The following ERCC6L variants were observed in gnomAD, a reference collection of about 807,000 sequenced individuals.
The protein encoded by ERCC6L is ERCC excision repair 6 like, spindle assembly checkpoint helicase, also known as DNA excision repair protein ERCC-6-like.
A neutral mutation model predicts 20.1 loss-of-function variants in ERCC6L; 7 were observed. That is an observed-to-expected ratio of 0.35 (90% CI 0.20 to 0.65). The LOEUF is 0.65. Among genes scored for constraint, ERCC6L ranks in the 30% least tolerant of loss-of-function variants. ERCC6L has a pLI of 0.69. For synonymous variants in ERCC6L, 278 were observed against 331.3 expected, an observed-to-expected ratio of 0.84 and a Z score of 1.75; for missense variants, 592 against 892.4, an observed-to-expected ratio of 0.66 and a Z score of 4.29.
At chrX:72,229,431 A>G (rs751193479) in intron 1 of ERCC6L, among the ~76,000 whole-genome samples, 2 of 111,690 alleles carry the variant, frequency 1.8e-5, no homozygotes, top group Non-Finnish European at 3.8e-5. Flanking sequence ...CTATTGCATT[A>G]AATGTGTAAA....
In ERCC6L at chrX:72,207,351, C is replaced by T. The variant is rs2042826247; in HGVS notation, c.1416G>A (p.Leu472=). 1 of 1,209,713 alleles carries T rather than the reference C, an allele frequency of 8.3e-7. No individual in the cohort carries two copies. The highest frequency in any genetic ancestry group is 1.8e-5 in the African/African-American group (1 of 57,139). Residue 472 remains leucine (L), a synonymous_variant, in exon 2 of 2, where the codon CTG becomes CTA. Coordinates refer to ENST00000334463, the MANE Select transcript of ERCC6L (RefSeq NM_017669.4). ...CCAGAGTTTGATGTCCCTCATCTCG[C>T]AGCCTCTTAAGTAGGTCCATTAGGA... ...MIFLMDLLKR[L]RDEGHQTLVF...
At chrX:72,238,251 C>A (rs1191386429) in intron 1 of ERCC6L, among the ~76,000 whole-genome samples, 1 of 111,503 alleles carries the variant, frequency 9.0e-6, no homozygotes, top group African/African-American at 3.3e-5. Flanking sequence ...AATTTAAATT[C>A]TCATCCCAAC....
chrX:72,229,556 G>A (rs912297164), intron 1 of ERCC6L, among the ~76,000 whole-genome samples: 1 of 111,937 alleles, frequency 8.9e-6, no homozygotes, highest in Admixed American at 9.5e-5. Flanking sequence ...TTCACCTACT[G>A]TCTTTCCATA....
At chrX:72,220,140 T>C (rs948208239) in intron 1 of ERCC6L, among the ~76,000 whole-genome samples, 2 of 110,535 alleles carry the variant, frequency 1.8e-5, no homozygotes, top group Non-Finnish European at 3.8e-5. Flanking sequence ...TTTTTGTCCT[T>C]TAGTTTTTAG....
Position 72,208,213 on chromosome X carries a change from G to A in ERCC6L, c.554C>T (p.Thr185Ile). 1 of 1,211,490 alleles carries A rather than the reference G, an allele frequency of 8.3e-7. No homozygotes were observed. The highest frequency in any genetic ancestry group is 1.1e-6 in the Non-Finnish European group (1 of 895,448). The part of the protein sequence containing the change: ...TFHGPSKDER[T>I]RNLNRIQQRN... ...TTGCTGAATCCGATTGAGGTTTCTG[G>A]TCCGTTCATCCTTGCTAGGACCATG... The change falls in exon 2 of 2, where the codon ACC (threonine) becomes ATC (isoleucine). Residue 185 changes from threonine (T) to isoleucine (I), a missense_variant. Thr to Ile is a moderately conservative substitution (Grantham distance 89). Coordinates refer to ENST00000334463, the MANE Select transcript of ERCC6L (RefSeq NM_017669.4).
rs149400438 is a variant in ERCC6L, at chrX:72,206,231, C to G, written c.2536G>C (p.Glu846Gln). The G allele has an allele frequency of 3.9e-5, 47 of 1,207,899 alleles. No individual in the cohort carries two copies. The African/African-American group carries it at 7.2e-4, about 18-fold the overall frequency. ...TGCTTAGGCCCCTCTTGTAATGTCT[C>G]TTTTTGTACAGCTTCATTTTTAGTT... ...FATKNEAVQK[E>Q]TLQEGPKQEA... Residue 846 changes from glutamate (E) to glutamine (Q), a missense_variant, in exon 2 of 2, where the codon GAG (glutamate) becomes CAG (glutamine). Glu to Gln is a conservative substitution (Grantham distance 29). Around this residue, in one of 3 missense-constraint regions of ERCC6L, gnomAD observed 352 missense variants for 402.6 expected, o/e 0.87. Coordinates refer to ENST00000334463, the MANE Select transcript of ERCC6L (RefSeq NM_017669.4).
chrX:72,219,317 G>T (rs1429295349), intron 1 of ERCC6L, among the ~76,000 whole-genome samples: 1 of 109,943 alleles, frequency 9.1e-6, no homozygotes, highest in East Asian at 2.9e-4. Flanking sequence ...ACTTTGTGAG[G>T]CCAAGGCGGG....
intron 1 of ERCC6L, among the ~76,000 whole-genome samples, chrX:72,238,353 T>TA (rs1331211535): frequency 1.8e-5 from 2 of 111,968 alleles, no homozygotes. Context: ...CGCCATCCCT[T>TA]AGCTGACCAC....
Position 72,205,101 on chromosome X carries a change from G to T in ERCC6L, c.3666C>A (p.Cys1222Ter). ...TTTTTATGTCAAGCGCTTTAACTAA[G>T]CAGTTTAGGGCCTCCTGGATTTTTC... The part of the protein sequence containing the change: ...ECGKIQEALN[C>*]LVKALDIKSA... Residue 1222 changes from cysteine to a stop codon, truncating the protein, a stop_gained, in exon 2 of 2, where the codon TGC becomes TGA. Transcript: ENST00000334463. LOFTEE classifies it high-confidence loss of function. 1 of 1,210,914 alleles carries T rather than the reference G, an allele frequency of 8.3e-7. No homozygotes were observed. The highest frequency in any genetic ancestry group is 1.1e-6 in the Non-Finnish European group (1 of 894,865).
intron 1 of ERCC6L, among the ~76,000 whole-genome samples, chrX:72,218,066 C>T (rs1200286281): frequency 1.8e-5 from 2 of 110,282 alleles, no homozygotes; most frequent in Non-Finnish European, 3.8e-5. Flanking sequence ...GTCAGGAGAT[C>T]GAGACCATCC....
chrX:72,228,358 T>TA (rs2042965117), intron 1 of ERCC6L, among the ~76,000 whole-genome samples: 1 of 111,821 alleles, frequency 8.9e-6, no homozygotes, highest in Non-Finnish European at 1.9e-5. Flanking sequence ...AAATCATTCT[T>TA]ACCATACCCA....
intron 1 of ERCC6L, among the ~76,000 whole-genome samples, chrX:72,232,208 G>A (rs2042987373): frequency 9.8e-6 from 1 of 101,841 alleles, no homozygotes; most frequent in Non-Finnish European, 2.0e-5. Flanking sequence ...AAATGTGAAA[G>A]TTCTCAGCAC....
intron 1 of ERCC6L, among the ~76,000 whole-genome samples, chrX:72,234,239 G>C (rs1378773165): frequency 8.9e-6 from 1 of 112,625 alleles, no homozygotes. Context: ...TGAAGCAGCA[G>C]TCAGTGAAGT....
intron 1 of ERCC6L, among the ~76,000 whole-genome samples, chrX:72,209,240 C>G (rs1260477336): frequency 9.0e-6 from 1 of 111,259 alleles, no homozygotes; most frequent in Non-Finnish European, 1.9e-5. Context: ...TTAATCTCTC[C>G]TCAAGTTTTC....
chrX:72,224,219 T>C (rs1259222558), intron 1 of ERCC6L, among the ~76,000 whole-genome samples: 1 of 111,497 alleles, frequency 9.0e-6, no homozygotes, highest in Admixed American at 9.5e-5. Flanking sequence ...TTTTCTGTTG[T>C]TGGCATGAAG....
At chrX:72,231,283 T>C (rs2042981623) in intron 1 of ERCC6L, among the ~76,000 whole-genome samples, 1 of 111,921 alleles carries the variant, frequency 8.9e-6, no homozygotes, top group Non-Finnish European at 1.9e-5. Context: ...TGAATGAACC[T>C]AAAAGACATT....
chrX:72,223,822 C>T (rs1481091311), intron 1 of ERCC6L, among the ~76,000 whole-genome samples: 1 of 111,821 alleles, frequency 8.9e-6, no homozygotes, highest in African/African-American at 3.2e-5. Context: ...CTGGAAGTGT[C>T]ACCCTGAAGT....
chrX:72,206,445 A>C lies in ERCC6L; in HGVS notation c.2322T>G (p.Ser774Arg). 3.3e-6 allele frequency: 4 copies of C among 1,210,827 alleles called. No homozygotes were observed. The highest frequency in any genetic ancestry group is 4.5e-6 in the Non-Finnish European group (4 of 895,110). Residue 774 changes from serine to arginine, a missense_variant, in exon 2 of 2, where the codon AGT becomes AGG. Ser to Arg is a moderately radical substitution (Grantham distance 110). This residue lies in a region of ERCC6L where 352 missense variants were observed against 402.6 expected (regional missense o/e 0.87). Coordinates refer to ENST00000334463, the MANE Select transcript of ERCC6L (RefSeq NM_017669.4). ...CTTTGGGCAGATCATCAATGACTAC[A>C]CTTGCCATTTTGGAACTGATATCTT... Reference protein sequence around the residue: ...QEEDISSKMASVVIDDLPKEG... With the variant: ...QEEDISSKMARVVIDDLPKEG...
At chrX:72,232,042 G>A (rs947324728) in intron 1 of ERCC6L, among the ~76,000 whole-genome samples, 4 of 109,260 alleles carry the variant, frequency 3.7e-5, no homozygotes, top group Non-Finnish European at 5.7e-5. Flanking sequence ...TGGCGCCACT[G>A]CACTCCAGCC....
Sources: gnomAD v4.1 joint callset for allele counts (sites outside exome capture counted in the v4.1 genomes callset) on GRCh38, gnomAD v4.1.1 for gene constraint, gnomAD v4.1.1 regional missense constraint, MANE v1.5 for transcripts, NCBI Gene and HGNC (gene_info 2026-07-23, HGNC 2026-07-21) for gene names.